PRKG1: variants seen among roughly 807,000 people sequenced by gnomAD.
PRKG1 encodes the protein protein kinase cGMP-dependent 1.
In PRKG1, 35 loss-of-function variants were observed where a neutral mutation model predicts 88.1. That is an observed-to-expected ratio of 0.40 (90% CI 0.30 to 0.53). The LOEUF (loss-of-function observed/expected upper bound fraction) is 0.53. Among genes scored for constraint, PRKG1 ranks in the 20% least tolerant of loss-of-function variants. The probability of loss-of-function intolerance (pLI) is 0.59; values close to 1 mark genes in which losing one functional copy is unlikely to be tolerated. For missense variants in PRKG1, 540 were observed against 839.8 expected, an observed-to-expected ratio of 0.64 and a Z score of 4.41; for synonymous variants, 303 against 292.5, an observed-to-expected ratio of 1.04 and a Z score of -0.37.
At chr10:51,885,778 C>T (rs1310657939) in intron 4 of PRKG1, among the ~76,000 whole-genome samples, 1 of 152,092 alleles carries the variant, frequency 6.6e-6, no homozygotes, top group Non-Finnish European at 1.5e-5. Flanking sequence ...CTATTCCTTT[C>T]CTGACTTCTC....
chr10:52,258,063 AAT>A (rs1160537086), intron 10 of PRKG1, among the ~76,000 whole-genome samples: 2 of 139,676 alleles, frequency 1.4e-5, no homozygotes, highest in African/African-American at 5.0e-5. Flanking sequence ...AATGAAAACA[AAT>A]ATGTTACTTT....
intron 2 of PRKG1, among the ~76,000 whole-genome samples, chr10:51,254,002 T>A (rs1312018142): frequency 1.3e-5 from 2 of 151,982 alleles, no homozygotes; most frequent in African/African-American, 4.8e-5. Context: ...ATGGATAAAT[T>A]TGAGAGTTCA....
chr10:51,166,134 A>G (rs1462230173), intron 2 of PRKG1, among the ~76,000 whole-genome samples: 1 of 152,040 alleles, frequency 6.6e-6, no homozygotes, highest in African/African-American at 2.4e-5. Flanking sequence ...TAATACCTTC[A>G]GCAACATTGC....
rs112485652 is a variant in PRKG1, at chr10:52,216,739, T to A, written c.1077-34831T>A. On this transcript the variant is annotated intron_variant, in intron 9 of 17. Transcript: ENST00000373980. ...AGTCATAGGTTTTGGTGCGGTTTTT[T>A]AAGATCAGTTTGTTATCTTTTTCTG... 1.6e-3 allele frequency among the ~76,000 whole-genome samples: 244 copies of A among 152,338 alleles called. 2 individuals are homozygous for A. The highest frequency in any genetic ancestry group is 5.5e-3 in the African/African-American group (229 of 41,580).
chr10:52,085,086 C>T (rs188635103), intron 7 of PRKG1, among the ~76,000 whole-genome samples: 13 of 152,192 alleles, frequency 8.5e-5, no homozygotes, highest in Admixed American at 2.6e-4. Flanking sequence ...TTAGGAACCA[C>T]ACGACTGTCT....
intron 1 of PRKG1, among the ~76,000 whole-genome samples, chr10:51,126,573 C>T (rs866778060): frequency 1.3e-5 from 2 of 149,560 alleles, no homozygotes; most frequent in Non-Finnish European, 3.0e-5. Context: ...ATGCTATTCC[C>T]ATTAAACTAC....
chr10:51,678,256 AT>A (rs1222871251), intron 3 of PRKG1, among the ~76,000 whole-genome samples: 5 of 152,184 alleles, frequency 3.3e-5, no homozygotes, highest in Admixed American at 2.6e-4. Context: ...AAGGGAAGCC[AT>A]TGATTGGGAG....
intron 3 of PRKG1, among the ~76,000 whole-genome samples, chr10:51,777,553 C>T (rs114907982): frequency 9.9e-5 from 15 of 150,932 alleles, no homozygotes; most frequent in African/African-American, 3.2e-4. Flanking sequence ...CATAGCCTCC[C>T]TCACTATCAA....
intron 2 of PRKG1, among the ~76,000 whole-genome samples, chr10:51,347,785 G>T (rs1259773357): frequency 6.6e-6 from 1 of 152,012 alleles, no homozygotes; most frequent in Non-Finnish European, 1.5e-5. Context: ...ACAAAGGCTG[G>T]GCGCGGTGGC....
At chr10:51,466,986 T>A (rs1265980483) in intron 2 of PRKG1, among the ~76,000 whole-genome samples, 1 of 152,086 alleles carries the variant, frequency 6.6e-6, no homozygotes, top group East Asian at 1.9e-4. Flanking sequence ...TCTACATAGG[T>A]ATGACTTTCA....
intron 1 of PRKG1, among the ~76,000 whole-genome samples, chr10:51,093,741 ATATT>A (rs1286539363): frequency 6.8e-6 from 1 of 146,380 alleles, no homozygotes. Context: ...TTTTATATAT[ATATT>A]TATATGTATA....
intron 3 of PRKG1, among the ~76,000 whole-genome samples, chr10:51,740,260 G>T (rs1325423450): frequency 6.6e-6 from 1 of 152,132 alleles, no homozygotes; most frequent in Non-Finnish European, 1.5e-5. Flanking sequence ...TCCTCCTGAG[G>T]TCAAGCAGTC....
chr10:51,755,904 A>G (rs1469057353), intron 3 of PRKG1, among the ~76,000 whole-genome samples: 4 of 152,214 alleles, frequency 2.6e-5, no homozygotes, highest in Non-Finnish European at 5.9e-5. Flanking sequence ...AATTCTTATG[A>G]CATAAGAAGC....
At chr10:51,409,285 G>A (rs1838008921) in intron 2 of PRKG1, among the ~76,000 whole-genome samples, 1 of 152,186 alleles carries the variant, frequency 6.6e-6, no homozygotes, top group South Asian at 2.1e-4. Flanking sequence ...CATCGATGCA[G>A]GCTGGGGGAG....
chr10:51,074,408 ACT>A (rs1281376037), upstream of PRKG1: 4 of 1,427,748 alleles, frequency 2.8e-6, no homozygotes, highest in Admixed American at 5.8e-5. Context: ...CTGCACTGAA[ACT>A]CTGGGTGGCT....
intron 4 of PRKG1, among the ~76,000 whole-genome samples, chr10:51,828,249 C>A (rs144497050): frequency 9.2e-5 from 14 of 152,062 alleles, no homozygotes; most frequent in Non-Finnish European, 1.5e-4. Flanking sequence ...TATTTACCTT[C>A]ACGTATTATA....
intron 7 of PRKG1, among the ~76,000 whole-genome samples, chr10:52,116,720 A>G (rs944982458): frequency 6.6e-6 from 1 of 152,160 alleles, no homozygotes; most frequent in African/African-American, 2.4e-5. Context: ...AAATAATAAC[A>G]CTGCCTAATG....
intron 4 of PRKG1, among the ~76,000 whole-genome samples, chr10:51,806,202 A>G (rs959009159): frequency 2.0e-5 from 3 of 152,178 alleles, no homozygotes; most frequent in Admixed American, 1.3e-4. Context: ...ATGGTAACCT[A>G]TGGAATGCAG....
intron 7 of PRKG1, among the ~76,000 whole-genome samples, chr10:52,129,867 C>T (rs982485032): frequency 6.6e-6 from 1 of 152,068 alleles, no homozygotes. Flanking sequence ...AAAGGTTATT[C>T]AACATTTTAA....
Sources: gnomAD v4.1 joint callset for allele counts (sites outside exome capture counted in the v4.1 genomes callset) on GRCh38, gnomAD v4.1.1 for gene constraint, MANE v1.5 for transcripts, NCBI Gene and HGNC (gene_info 2026-07-23, HGNC 2026-07-21) for gene names.